IL1RAPL1: variants seen among roughly 807,000 people sequenced by gnomAD.
The protein encoded by IL1RAPL1 is interleukin 1 receptor accessory protein like 1, also known as interleukin-1 receptor accessory protein-like 1.
Under a neutral mutation model 48.4 loss-of-function variants are expected in IL1RAPL1, and 3 were observed. That is an observed-to-expected ratio of 0.06 (90% CI 0.03 to 0.16). IL1RAPL1 has a LOEUF of 0.16. Among genes scored for constraint, IL1RAPL1 ranks in the 10% least tolerant of loss-of-function variants. The pLI, the probability that IL1RAPL1 is intolerant of heterozygous loss-of-function variation, is 1.00. For synonymous variants in IL1RAPL1, 185 were observed against 187.7 expected, an observed-to-expected ratio of 0.99 and a Z score of 0.12; for missense variants, 349 against 530.6, an observed-to-expected ratio of 0.66 and a Z score of 3.36.
chrX:28,964,422 C>G (rs913227975), intron 2 of IL1RAPL1, among the ~76,000 whole-genome samples: 3 of 111,395 alleles, frequency 2.7e-5, no homozygotes, highest in Non-Finnish European at 3.8e-5. Flanking sequence ...TCCACTTAAT[C>G]ACGAAATTAA....
intron 1 of IL1RAPL1, among the ~76,000 whole-genome samples, chrX:28,634,367 A>G (rs1352984404): frequency 3.7e-5 from 4 of 109,470 alleles, no homozygotes; most frequent in Non-Finnish European, 7.6e-5. Flanking sequence ...ATGTGTATAT[A>G]TACATATACA....
intron 2 of IL1RAPL1, among the ~76,000 whole-genome samples, chrX:29,037,061 A>G (rs1317215595): frequency 2.7e-5 from 3 of 112,054 alleles, no homozygotes; most frequent in African/African-American, 9.7e-5. Flanking sequence ...TGTTGAGGAC[A>G]TTCCCTTGAA....
At chrX:29,450,249 A>C (rs1412267996) in intron 5 of IL1RAPL1, among the ~76,000 whole-genome samples, 1 of 112,242 alleles carries the variant, frequency 8.9e-6, no homozygotes, top group African/African-American at 3.2e-5. Context: ...AGATGGCTTC[A>C]GTGTGCTGAC....
At chrX:29,417,353 A>T (rs1485775117) in intron 5 of IL1RAPL1, among the ~76,000 whole-genome samples, 1 of 112,137 alleles carries the variant, frequency 8.9e-6, no homozygotes, top group Non-Finnish European at 1.9e-5. Context: ...CATTTCTTAA[A>T]ATGCTTGACC....
At chrX:28,707,638 G>A (rs1935390972) in intron 1 of IL1RAPL1, among the ~76,000 whole-genome samples, 1 of 111,799 alleles carries the variant, frequency 8.9e-6, no homozygotes, top group East Asian at 2.8e-4. Flanking sequence ...TACTTTGGTG[G>A]CAATGCTGCC....
At chrX:29,756,187 A>G (rs1928608073) in intron 6 of IL1RAPL1, among the ~76,000 whole-genome samples, 1 of 111,803 alleles carries the variant, frequency 8.9e-6, no homozygotes, top group African/African-American at 3.3e-5. Context: ...TGTCCATAAT[A>G]TGAAACTTGG....
At chrX:29,865,755 G>T (rs1312069573) in intron 6 of IL1RAPL1, among the ~76,000 whole-genome samples, 1 of 102,277 alleles carries the variant, frequency 9.8e-6, no homozygotes, top group Non-Finnish European at 2.0e-5. Context: ...TCCTGCCTCA[G>T]CCTCTTGAGT....
At chrX:29,802,975 A>AGATG (rs1930023620) in intron 6 of IL1RAPL1, among the ~76,000 whole-genome samples, 1 of 79,468 alleles carries the variant, frequency 1.3e-5, no homozygotes, top group Non-Finnish European at 2.3e-5. Flanking sequence ...GTACATATAT[A>AGATG]CATACATGTG....
chrX:29,055,963 G>C lies in IL1RAPL1; in HGVS notation c.83-226975G>C, dbSNP rs1927205037. Among the ~76,000 whole-genome samples, 3 of 111,758 alleles carry C rather than the reference G, an allele frequency of 2.7e-5. No homozygotes were observed. The South Asian group carries it at 1.1e-3, about 41-fold the overall frequency. On this transcript the variant is annotated intron_variant, in intron 2 of 10. Coordinates refer to ENST00000378993, the MANE Select transcript of IL1RAPL1 (RefSeq NM_014271.4). ...AATAAACTCACTTGAGTAATTAATCGAGGTGTTTCAAGGAGTTAATTTAGT... is the reference window on the plus strand; with the variant it reads ...AATAAACTCACTTGAGTAATTAATCCAGGTGTTTCAAGGAGTTAATTTAGT...
At chrX:29,790,164 T>C (rs1264027961) in intron 6 of IL1RAPL1, among the ~76,000 whole-genome samples, 1 of 111,835 alleles carries the variant, frequency 8.9e-6, no homozygotes, top group Non-Finnish European at 1.9e-5. Flanking sequence ...TGCTTTTTAA[T>C]GTTTTGGTAA....
At chrX:28,796,422 C>T (rs1031603225) in intron 2 of IL1RAPL1, among the ~76,000 whole-genome samples, 1 of 111,962 alleles carries the variant, frequency 8.9e-6, no homozygotes, top group African/African-American at 3.3e-5. Flanking sequence ...AAATCAAAAA[C>T]AAGTTAGTTA....
intron 6 of IL1RAPL1, among the ~76,000 whole-genome samples, chrX:29,825,200 A>AAGTGCG (rs1008392139): frequency 2.7e-5 from 3 of 110,821 alleles, no homozygotes; most frequent in African/African-American, 9.9e-5. Flanking sequence ...CCCTGAAGTG[A>AAGTGCG]GGTACTCTTT....
chrX:29,359,228 C>T (rs918997080), intron 3 of IL1RAPL1, among the ~76,000 whole-genome samples: 1 of 111,611 alleles, frequency 9.0e-6, no homozygotes, highest in Admixed American at 9.5e-5. Context: ...ATTATTTTAG[C>T]CACTACTGAG....
intron 3 of IL1RAPL1, among the ~76,000 whole-genome samples, chrX:29,310,486 G>T (rs941174615): frequency 4.5e-5 from 5 of 111,287 alleles, no homozygotes; most frequent in African/African-American, 1.6e-4. Context: ...GGCTAATGGG[G>T]TAAGGAGAAG....
At chrX:29,846,820 ACG>A (rs1491517558) in intron 6 of IL1RAPL1, among the ~76,000 whole-genome samples, 14 of 94,935 alleles carry the variant, frequency 1.5e-4, no homozygotes, top group African/African-American at 5.0e-4. Context: ...ACACACACAC[ACG>A]TATATATGTA....
At chrX:29,251,439 A>C (rs1931616897) in intron 2 of IL1RAPL1, among the ~76,000 whole-genome samples, 1 of 111,684 alleles carries the variant, frequency 9.0e-6, no homozygotes, top group Non-Finnish European at 1.9e-5. Flanking sequence ...ATAACAGTAG[A>C]CCGTGTATGC....
intron 3 of IL1RAPL1, among the ~76,000 whole-genome samples, chrX:29,351,442 G>A (rs770768764): frequency 6.3e-5 from 7 of 111,503 alleles, no homozygotes; most frequent in Admixed American, 1.9e-4. Context: ...TTGAGGAGAC[G>A]ATGTGAATAA....
intron 3 of IL1RAPL1, among the ~76,000 whole-genome samples, chrX:29,321,983 G>A (rs771939432): frequency 1.9e-5 from 2 of 107,339 alleles, no homozygotes; most frequent in South Asian, 3.9e-4. Flanking sequence ...ATGAAACTTC[G>A]TTCTTATAAT....
chrX:28,807,931 G>T (rs1398324477), intron 2 of IL1RAPL1, among the ~76,000 whole-genome samples: 2 of 110,796 alleles, frequency 1.8e-5, no homozygotes, highest in East Asian at 5.7e-4. Flanking sequence ...GAAGGTAGAA[G>T]AGGAGTCCCA....
Sources: allele counts gnomAD v4.1 joint callset (sites outside exome capture counted in the v4.1 genomes callset), GRCh38; gene constraint gnomAD v4.1.1; transcripts MANE v1.5; gene names NCBI Gene and HGNC (gene_info 2026-07-23, HGNC 2026-07-21).